CIMAP2: variants seen among roughly 807,000 people sequenced by gnomAD.
CIMAP2 encodes the protein ciliary microtubule associated protein 2, also known as ciliary microtubule-associated protein 2.
chr1:54,811,830 G>GGTA, the CIMAP2 span: 1 of 1,577,750 alleles, frequency 6.3e-7, no homozygotes, highest in Admixed American at 1.7e-5. Flanking sequence ...TGGGGAGAAG[G>GGTA]GTAACCCATA....
At chr1:54,828,877 T>C in the CIMAP2 span, among the ~76,000 whole-genome samples, 1 of 152,148 alleles carries the variant, frequency 6.6e-6, no homozygotes, top group African/African-American at 2.4e-5. Context: ...GATGTACACA[T>C]CTTAAGTCAA....
the CIMAP2 span, chr1:54,814,054 T>C: frequency 4.1e-6 from 6 of 1,461,174 alleles, no homozygotes; most frequent in Admixed American, 1.4e-4. Context: ...GTAGGGTGGC[T>C]AATTTCATAG....
chr1:54,819,801 CTTCTTT>C, the CIMAP2 span, among the ~76,000 whole-genome samples: 13 of 85,068 alleles, frequency 1.5e-4, no homozygotes, highest in South Asian at 1.5e-3. Flanking sequence ...CTTCTCTTTT[CTTCTTT>C]TTCTTTTTCT....
the CIMAP2 span, among the ~76,000 whole-genome samples, chr1:54,824,769 GATC>G: frequency 2.0e-5 from 3 of 151,814 alleles, no homozygotes; most frequent in Non-Finnish European, 4.4e-5. Context: ...ATCTCATTCA[GATC>G]ATCAATTGTT....
At chr1:54,823,038 T>C in the CIMAP2 span, among the ~76,000 whole-genome samples, 11 of 152,202 alleles carry the variant, frequency 7.2e-5, no homozygotes, top group Non-Finnish European at 1.5e-4. Flanking sequence ...GAGAAGAATG[T>C]GTATTCTGTA....
chr1:54,814,066 G>A, the CIMAP2 span: 2 of 1,410,586 alleles, frequency 1.4e-6, no homozygotes, highest in South Asian at 1.5e-5. Context: ...ATTTCATAGG[G>A]AATAGCTCAG....
the CIMAP2 span, chr1:54,811,765 G>GCCGGGGGGGGGGGGGGGGGGGCCCCCCCC: frequency 7.7e-7 from 1 of 1,301,326 alleles, no homozygotes; most frequent in Non-Finnish European, 1.1e-6. Flanking sequence ...GGTTCTGACA[G>GCCGGGGGGGGGGGGGGGGGGGCCCCCCCC]CCTCCATGCC....
At chr1:54,807,362 T>G in the CIMAP2 span, among the ~76,000 whole-genome samples, 5 of 152,156 alleles carry the variant, frequency 3.3e-5, no homozygotes, top group African/African-American at 1.2e-4. Flanking sequence ...GATTGCACCT[T>G]GAGTGCCAAG....
the CIMAP2 span, among the ~76,000 whole-genome samples, chr1:54,840,922 C>T: frequency 6.6e-6 from 1 of 152,098 alleles, no homozygotes; most frequent in Non-Finnish European, 1.5e-5. Flanking sequence ...GGAAGTAATT[C>T]TTGTGTTTAA....
At chr1:54,826,947 C>T in the CIMAP2 span, among the ~76,000 whole-genome samples, 2 of 152,246 alleles carry the variant, frequency 1.3e-5, no homozygotes, top group Non-Finnish European at 2.9e-5. Flanking sequence ...AAGCCCCCCT[C>T]CTATTTGTCT....
the CIMAP2 span, chr1:54,807,655 C>T: frequency 2.5e-6 from 4 of 1,607,696 alleles, no homozygotes; most frequent in African/African-American, 2.7e-5. Flanking sequence ...ACCCCACTTC[C>T]AGTACCAGGC....
chr1:54,819,009 G>C, the CIMAP2 span, among the ~76,000 whole-genome samples: 1 of 152,084 alleles, frequency 6.6e-6, no homozygotes, highest in Non-Finnish European at 1.5e-5. Context: ...TGTTCATACT[G>C]AAGAGGAAAG....
the CIMAP2 span, chr1:54,807,551 G>A: frequency 6.3e-7 from 1 of 1,590,418 alleles, no homozygotes; most frequent in Non-Finnish European, 8.6e-7. Context: ...GGGACTTACA[G>A]CTCCAAAGAG....
At chr1:54,837,908 T>TA in the CIMAP2 span, among the ~76,000 whole-genome samples, 113,496 of 151,838 alleles carry the variant, frequency 0.75, 43,677 homozygotes, top group Middle Eastern at 0.85. Context: ...TGGCATTGAG[T>TA]TATATCTGTA....
At chr1:54,807,700 C>A in the CIMAP2 span, 2 of 1,578,996 alleles carry the variant, frequency 1.3e-6, no homozygotes, top group East Asian at 4.5e-5. Context: ...GGTGAGGCCT[C>A]TGGGGCCATG....
chr1:54,811,765 G>GCCGGCCGGGGCCCCCCCCCCC, the CIMAP2 span: 1 of 1,301,330 alleles, frequency 7.7e-7, no homozygotes, highest in Non-Finnish European at 1.1e-6. Context: ...GGTTCTGACA[G>GCCGGCCGGGGCCCCCCCCCCC]CCTCCATGCC....
At chr1:54,817,006 C>A in the CIMAP2 span, 9 of 1,614,140 alleles carry the variant, frequency 5.6e-6, no homozygotes, top group Non-Finnish European at 7.6e-6. Context: ...TAGGTGTGGG[C>A]CGCTACCTCA....
At chr1:54,839,397 C>CAT in the CIMAP2 span, among the ~76,000 whole-genome samples, 2 of 151,690 alleles carry the variant, frequency 1.3e-5, no homozygotes. Flanking sequence ...TTTTTCGAGA[C>CAT]AGTTTTATTT....
chr1:54,822,125 T>C, the CIMAP2 span, among the ~76,000 whole-genome samples: 55 of 142,532 alleles, frequency 3.9e-4, 5 homozygotes, highest in South Asian at 1.7e-3. Flanking sequence ...GTCTCGATCT[T>C]CTGACCTCGT....
Sources: allele counts gnomAD v4.1 joint callset (sites outside exome capture counted in the v4.1 genomes callset), GRCh38; gene constraint gnomAD v4.1.1; transcripts MANE v1.5; gene names NCBI Gene and HGNC (gene_info 2026-07-23, HGNC 2026-07-21).